The following FGD3 variants were observed in gnomAD, a reference collection of about 807,000 sequenced individuals.
FGD3 encodes the protein FYVE, RhoGEF and PH domain containing 3.
A neutral mutation model predicts 71.8 loss-of-function variants in FGD3; 45 were observed. That is an observed-to-expected ratio of 0.63 (90% confidence interval 0.49 to 0.80). The LOEUF is 0.80. FGD3 is among the 30% of genes least tolerant of loss of function. The pLI, the probability that FGD3 is intolerant of heterozygous loss-of-function variation, is 0.00. For missense variants in FGD3, 844 were observed against 951.5 expected (o/e 0.89, Z 1.49); for synonymous variants, 378 against 392.8 (o/e 0.96, Z 0.44).
rs575736614 is a variant in FGD3, at chr9:93,035,652, T to C, written c.*63T>C. The C allele has an allele frequency of 6.6e-6, 10 of 1,514,504 alleles. No individual in the cohort carries two copies. The East Asian group carries it at 1.8e-4, about 28-fold the overall frequency. The allele number at this position is 1,514,504 out of a possible 1,614,324, so 93.8% of individuals were successfully genotyped here. On this transcript the variant is annotated 3_prime_UTR_variant, in exon 18 of 18. Coordinates refer to ENST00000375482, the MANE Select transcript of FGD3 (RefSeq NM_001083536.2). ...ACCTGTGCTGTCCTGGGAGGTGGTG[T>C]TGGAGGCCCCATGAAGAGCGCCCTG...
At chr9:92,967,576 G>C (rs1859376927) in intron 1 of FGD3, among the ~76,000 whole-genome samples, 1 of 151,936 alleles carries the variant, frequency 6.6e-6, no homozygotes, top group Non-Finnish European at 1.5e-5. Context: ...TTTCCTTCCG[G>C]TTTATTTATT....
chr9:92,955,708 C>G (rs989389025), intron 1 of FGD3, among the ~76,000 whole-genome samples: 1 of 152,106 alleles, frequency 6.6e-6, no homozygotes, highest in Non-Finnish European at 1.5e-5. Context: ...CAGGGAGCCT[C>G]CTGTGGCCCT....
intron 7 of FGD3, among the ~76,000 whole-genome samples, 157 bp downstream of exon 7, chr9:93,010,541 A>G (rs1262177021): frequency 7.8e-6 from 1 of 128,264 alleles, no homozygotes; most frequent in African/African-American, 3.2e-5. Flanking sequence ...GAGGCAGGGG[A>G]GGGAGAGAGA....
rs745672682 is a variant in FGD3 at position 93,022,377 on chromosome 9, G to A, written c.1545G>A (p.Ser515=). The A allele has an allele frequency of 2.0e-5, 32 of 1,612,346 alleles. 1 individual carries two copies. Among genetic ancestry groups the A allele is most frequent in the African/African-American group, 2.7e-5 (2 of 74,928 alleles). ...CTGTGGTGACCACCGAAGGCAGTTC[G>A]GGTGCAGCAGGGGTAAGTGCCCCAT... ...VEPVVTTEGS[S]GAAGLEPRKL... Residue 515 remains serine, a synonymous_variant, in exon 14 of 18, where the codon TCG becomes TCA. Coordinates refer to ENST00000375482, the MANE Select transcript of FGD3 (RefSeq NM_001083536.2).
chr9:93,010,456 GGAGA>G (rs36150183), intron 7 of FGD3, 72 bp downstream of exon 7: 352,173 of 1,466,366 alleles, frequency 0.24, 47,354 homozygotes, highest in African/African-American at 0.47. Flanking sequence ...GGGGAGAGAG[GGAGA>G]GAGAGAGTCG....
chr9:93,002,710 C>T (rs914134350), intron 3 of FGD3, among the ~76,000 whole-genome samples: 2 of 152,174 alleles, frequency 1.3e-5, no homozygotes, highest in Non-Finnish European at 2.9e-5. Flanking sequence ...TATATTTTGA[C>T]GTGGTCGCTG....
chr9:92,960,477 AT>A (rs1308442164), intron 1 of FGD3, among the ~76,000 whole-genome samples: 1 of 152,182 alleles, frequency 6.6e-6, no homozygotes, highest in Non-Finnish European at 1.5e-5. Flanking sequence ...AGGCTGCAGA[AT>A]AACCATGGGT....
chr9:92,955,934 G>C (rs967518894), intron 1 of FGD3, among the ~76,000 whole-genome samples: 2 of 152,206 alleles, frequency 1.3e-5, no homozygotes, highest in African/African-American at 2.4e-5. Context: ...TGTGTCAATA[G>C]TGTTTCCTTG....
At chr9:92,950,977 C>T (rs1043262253) in intron 1 of FGD3, among the ~76,000 whole-genome samples, 1 of 151,956 alleles carries the variant, frequency 6.6e-6, no homozygotes, top group South Asian at 2.1e-4. Flanking sequence ...CTGCTTGGGC[C>T]CTGAAGAGAA....
intron 5 of FGD3, 66 bp from the exon 6 acceptor site, chr9:93,005,958 T>A: frequency 1.3e-6 from 2 of 1,513,310 alleles, no homozygotes; most frequent in Non-Finnish European, 1.8e-6. Context: ...GTGGAGTTCA[T>A]GTCCACTAAC....
rs188582990 is a variant in FGD3, at chr9:92,995,957, G to T, written c.454-6968G>T. On this transcript the variant is annotated intron_variant, in intron 3 of 17. Coordinates refer to ENST00000375482, the MANE Select transcript of FGD3 (RefSeq NM_001083536.2). ...TTCTCTTTTTTTTTGTTGTGTCTCT[G>T]CCAGGCTTTGGTATCAGGATGTTGT... Among the ~76,000 whole-genome samples the T allele has an allele frequency of 3.3e-5, 5 of 152,146 alleles. No individual in the cohort carries two copies. In the South Asian group the frequency reaches 8.3e-4, roughly 25 times the overall value.
Position 93,034,286 on chromosome 9 carries a change from C to G in FGD3, c.1786-255C>G, listed in dbSNP as rs963510346. Reference sequence around the variant, plus strand: ...TCCTATGATTTTGATGTGTCCTGACCCAGCATATGGATGCCCTCCCCTTGG... The same window carrying G: ...TCCTATGATTTTGATGTGTCCTGACGCAGCATATGGATGCCCTCCCCTTGG... On this transcript the variant is annotated intron_variant, in intron 16 of 17. Transcript: ENST00000375482. 4 of 462,780 alleles carry G rather than the reference C, an allele frequency of 8.6e-6. No individual in the cohort carries two copies. The East Asian group carries it at 1.4e-4, about 17-fold the overall frequency. 28.7% of individuals were successfully genotyped at this position (462,780 alleles called of 1,614,324 possible).
Position 93,003,144 on chromosome 9 carries a change from TTTG to T in FGD3, c.543+131_543+133del. 1 of 877,312 alleles carries T rather than the reference TTTG, an allele frequency of 1.1e-6. No individual in the cohort carries two copies. The highest frequency in any genetic ancestry group is 2.8e-5 in the Admixed American group (1 of 36,226). The allele number at this position is 877,312 out of a possible 1,614,324, so 54.3% of individuals were successfully genotyped here. ...TCTGGTCTACAAACTTTTTTTTTTTTTTGAGACAAAGTCTCACTCTGTCACCCA... is the reference window on the plus strand; with the variant it reads ...TCTGGTCTACAAACTTTTTTTTTTTTAGACAAAGTCTCACTCTGTCACCCA... On this transcript the variant is annotated intron_variant, in intron 4 of 17. Coordinates refer to ENST00000375482, the MANE Select transcript of FGD3 (RefSeq NM_001083536.2). This position sits in a 1 kb window ranked among gnomAD's most constrained non-coding sequence, Gnocchi z 4.1.
rs56738468 is a variant in FGD3 at position 92,987,431 on chromosome 9, C to CA, written c.453+10736dup. ...TGGACGACAGAGCGAGACTCTGTCTCAAAAAAAAAAAAAAGAAAGAAAGAA... is the reference window on the plus strand; with the variant it reads ...TGGACGACAGAGCGAGACTCTGTCTCAAAAAAAAAAAAAAAGAAAGAAAGAA... On this transcript the variant is annotated intron_variant, in intron 3 of 17. Transcript: ENST00000375482. Among the ~76,000 whole-genome samples the CA allele has an allele frequency of 5.8e-3, 714 of 122,406 alleles. 5 individuals carry two copies. The highest frequency in any genetic ancestry group is 9.6e-3 in the Admixed American group (117 of 12,244). The allele number at this position is 122,406 out of a possible 152,430, so 80.3% of individuals were successfully genotyped here. A position where few individuals can be genotyped will look rare whatever the true frequency, so the allele number is the denominator to read the frequency against.
At chr9:93,017,123 C>G (rs1176171947) in intron 10 of FGD3, among the ~76,000 whole-genome samples, 1 of 151,974 alleles carries the variant, frequency 6.6e-6, no homozygotes, top group Non-Finnish European at 1.5e-5. Context: ...AAAAAATTAG[C>G]CAGGCATGGT....
In FGD3 at chr9:92,956,119, TTTTG is replaced by T. The variant is rs369196118; in HGVS notation, c.-218+8414_-218+8417del. On this transcript the variant is annotated intron_variant, in intron 1 of 17. Transcript: ENST00000375482. ...TAAATTCACATACTAGTTCTGGGAG[TTTTG>T]TTTGTTTGTTTGTTTGTTTGTTTTC... Among the ~76,000 whole-genome samples the T allele has an allele frequency of 4.8e-3, 728 of 152,224 alleles. 6 individuals carry two copies. The highest frequency in any genetic ancestry group is 0.016 in the African/African-American group (653 of 41,506).
chr9:93,028,229 C>T (rs1475472279), intron 14 of FGD3, among the ~76,000 whole-genome samples: 1 of 150,468 alleles, frequency 6.6e-6, no homozygotes, highest in Non-Finnish European at 1.5e-5. Flanking sequence ...CACACACACA[C>T]ACACACACCC....
At chr9:93,017,486 T>C (rs1052548919) in intron 10 of FGD3, among the ~76,000 whole-genome samples, 1 of 151,580 alleles carries the variant, frequency 6.6e-6, no homozygotes, top group Non-Finnish European at 1.5e-5. Flanking sequence ...CCCATTCCAG[T>C]CCCCCAACTA....
chr9:93,032,933 C>T, intron 16 of FGD3, 60 bp downstream of exon 16: 1 of 1,453,776 alleles, frequency 6.9e-7, no homozygotes, highest in Non-Finnish European at 9.7e-7. Context: ...CAGACACCTG[C>T]TCCTGTGCCC....
Sources: gnomAD v4.1 joint callset for allele counts (sites outside exome capture counted in the v4.1 genomes callset) on GRCh38, gnomAD v4.1.1 for gene constraint, Gnocchi (gnomAD v3.1) non-coding constraint, MANE v1.5 for transcripts, NCBI Gene and HGNC (gene_info 2026-07-23, HGNC 2026-07-21) for gene names.